ERBB4: variants seen among roughly 807,000 people sequenced by gnomAD.
ERBB4 encodes the protein receptor tyrosine-protein kinase erbB-4.
ERBB4 carries 42 observed loss-of-function variants against 158.0 expected under a neutral mutation model. The observed-to-expected ratio is 0.27, with a 90% CI of 0.21 to 0.34. The LOEUF (loss-of-function observed/expected upper bound fraction) is 0.34, where lower values mean the gene tolerates loss of function less well. Among genes scored for constraint, ERBB4 ranks in the 10% least tolerant of loss-of-function variants. The pLI is 1.00. For synonymous variants in ERBB4, 583 were observed against 558.7 expected (o/e 1.04, Z -0.61); for missense variants, 1,333 against 1,624.1 (o/e 0.82, Z 3.08).
chr2:212,386,381 G>A (rs889433297), intron 1 of ERBB4, among the ~76,000 whole-genome samples: 1 of 151,760 alleles, frequency 6.6e-6, no homozygotes, highest in Non-Finnish European at 1.5e-5. Context: ...GGTGGGGAAT[G>A]GCACAATCAT....
Position 212,135,055 on chromosome 2 carries a change from T to A in ERBB4, c.83-10152A>T, listed in dbSNP as rs565294867. Reference sequence around the variant, plus strand: ...TTTTGGCATTGTAGACCTTTACTAATAGATTTGTACCTATGGAAGACATAG... The same window carrying A: ...TTTTGGCATTGTAGACCTTTACTAAAAGATTTGTACCTATGGAAGACATAG... On this transcript the variant is annotated intron_variant, in intron 1 of 27. Coordinates refer to ENST00000342788, the MANE Select transcript of ERBB4 (RefSeq NM_005235.3). 6.6e-5 allele frequency among the ~76,000 whole-genome samples: 10 copies of A among 152,278 alleles called. 1 individual carries two copies. In the South Asian group the frequency reaches 1.9e-3, roughly 28 times the overall value.
intron 25 of ERBB4, among the ~76,000 whole-genome samples, chr2:211,416,572 G>GAAGT (rs1414431155): frequency 4.6e-5 from 7 of 152,144 alleles, no homozygotes; most frequent in Admixed American, 3.3e-4. Context: ...AGATTTGCAG[G>GAAGT]AAGTCAGATT....
intron 2 of ERBB4, among the ~76,000 whole-genome samples, chr2:211,988,773 T>A (rs368848640): frequency 1.3e-5 from 2 of 152,178 alleles, no homozygotes; most frequent in African/African-American, 4.8e-5. Context: ...AATGTAACTA[T>A]TAAAGCTACT....
intron 1 of ERBB4, among the ~76,000 whole-genome samples, chr2:212,384,773 T>A (rs192530059): frequency 6.6e-6 from 1 of 151,234 alleles, no homozygotes; most frequent in South Asian, 2.1e-4. Context: ...GGAACCAATA[T>A]GGATTTTCCT....
chr2:211,849,251 A>G (rs999168162), intron 3 of ERBB4, among the ~76,000 whole-genome samples: 2 of 151,998 alleles, frequency 1.3e-5, no homozygotes, highest in Non-Finnish European at 2.9e-5. Flanking sequence ...GATGATTTTG[A>G]TAGTGGAAAT....
chr2:211,781,870 G>C (rs1575140468), intron 4 of ERBB4, among the ~76,000 whole-genome samples: 1 of 152,058 alleles, frequency 6.6e-6, no homozygotes, highest in East Asian at 1.9e-4. Flanking sequence ...GGCCTCCTGG[G>C]GCTTCAAAGC....
chr2:211,541,011 T>C (rs1387439179), intron 20 of ERBB4, among the ~76,000 whole-genome samples: 1 of 151,972 alleles, frequency 6.6e-6, no homozygotes, highest in Non-Finnish European at 1.5e-5. Context: ...TATATCCTAT[T>C]AGTTTCTAGA....
chr2:211,900,561 G>A (rs575600737), intron 3 of ERBB4, among the ~76,000 whole-genome samples: 58 of 152,018 alleles, frequency 3.8e-4, no homozygotes, highest in African/African-American at 9.9e-4. Flanking sequence ...TGAAAAGCGG[G>A]TCCTTCAAAG....
intron 4 of ERBB4, among the ~76,000 whole-genome samples, chr2:211,773,600 A>ATATATAT (rs1553630342): frequency 1.2e-4 from 1 of 8,076 alleles, no homozygotes; most frequent in Non-Finnish European, 1.8e-4. Flanking sequence ...CTGTAACTTT[A>ATATATAT]TATATATATA....
At chr2:212,398,392 G>A (rs1262215031) in intron 1 of ERBB4, among the ~76,000 whole-genome samples, 1 of 152,052 alleles carries the variant, frequency 6.6e-6, no homozygotes, top group Non-Finnish European at 1.5e-5. Flanking sequence ...AAGAAAAGCT[G>A]ATGTCACTTA....
intron 3 of ERBB4, among the ~76,000 whole-genome samples, chr2:211,852,636 C>CTTTTTTTTTTTT (rs10640429): frequency 7.2e-6 from 1 of 138,848 alleles, no homozygotes; most frequent in African/African-American, 2.7e-5. Flanking sequence ...CAATGGCCAA[C>CTTTTTTTTTTTT]TTTTTTTTTT....
Position 211,665,289 on chromosome 2 carries a change from AC to A in ERBB4, c.1871+33del, listed in dbSNP as rs766097372. ...ATAAAGATACATGTGGATAACACAT[AC>A]CAGGTGAGCCCTTGGCCAGCAAGAA... On this transcript the variant is annotated intron_variant, in intron 15 of 27. Coordinates refer to ENST00000342788, the MANE Select transcript of ERBB4 (RefSeq NM_005235.3). 19 of 1,610,824 alleles carry A rather than the reference AC, an allele frequency of 1.2e-5. No individual in the cohort carries two copies. The Admixed American group carries it at 3.2e-4, about 27-fold the overall frequency.
chr2:212,123,293 C>G (rs2079815396), intron 2 of ERBB4, among the ~76,000 whole-genome samples: 1 of 152,136 alleles, frequency 6.6e-6, no homozygotes, highest in Non-Finnish European at 1.5e-5. Context: ...ATCCCAGCTA[C>G]CTGGGATACT....
chr2:212,419,494 C>T (rs1357109135), intron 1 of ERBB4, among the ~76,000 whole-genome samples: 1 of 151,788 alleles, frequency 6.6e-6, no homozygotes, highest in Non-Finnish European at 1.5e-5. Context: ...CTAAATTAGA[C>T]ATACTACCTG....
At chr2:212,120,587 G>A (rs1452607962) in intron 2 of ERBB4, among the ~76,000 whole-genome samples, 1 of 152,148 alleles carries the variant, frequency 6.6e-6, no homozygotes, top group Admixed American at 6.5e-5. Context: ...ATAGAAATTA[G>A]AGTGGTTTCA....
intron 1 of ERBB4, among the ~76,000 whole-genome samples, chr2:212,536,360 CA>C (rs1300861602): frequency 6.6e-6 from 1 of 152,148 alleles, no homozygotes; most frequent in Non-Finnish European, 1.5e-5. Context: ...TTACAGTTTC[CA>C]ATGGATCACC....
chr2:212,200,783 A>G (rs569633531), intron 1 of ERBB4, among the ~76,000 whole-genome samples: 2 of 152,308 alleles, frequency 1.3e-5, no homozygotes, highest in East Asian at 1.9e-4. Flanking sequence ...AGGAAAATCC[A>G]AAAGGAAATA....
At chr2:211,654,071 A>C (rs2071120512) in intron 16 of ERBB4, among the ~76,000 whole-genome samples, 1 of 152,204 alleles carries the variant, frequency 6.6e-6, no homozygotes, top group Non-Finnish European at 1.5e-5. Flanking sequence ...ATGACATTTA[A>C]AAATATTATT....
intron 3 of ERBB4, among the ~76,000 whole-genome samples, chr2:211,842,809 A>T (rs190091127): frequency 6.6e-6 from 1 of 152,156 alleles, no homozygotes; most frequent in Non-Finnish European, 1.5e-5. Flanking sequence ...CAGGGGTCGT[A>T]TCTGTCTTTT....
Sources: allele counts gnomAD v4.1 joint callset (sites outside exome capture counted in the v4.1 genomes callset), GRCh38; gene constraint gnomAD v4.1.1; transcripts MANE v1.5; gene names NCBI Gene and HGNC (gene_info 2026-07-23, HGNC 2026-07-21).